KLHL25: variants seen among roughly 807,000 people sequenced by gnomAD.
KLHL25 encodes the protein kelch like family member 25.
In KLHL25, 41 loss-of-function variants were observed where a neutral mutation model predicts 30.0. The ratio of observed to expected loss-of-function variants is 1.37; its 90% CI spans 1.07 to 1.78. The LOEUF is 1.78. Among genes scored for constraint, KLHL25 ranks in the 40% most tolerant of loss-of-function variants. The pLI is 0.00. For synonymous variants in KLHL25, 399 were observed against 355.3 expected (o/e 1.12, Z -1.38); for missense variants, 971 against 824.5 (o/e 1.18, Z -2.18).
chr15:85,783,084 A>C (rs2089755319), intron 1 of KLHL25, among the ~76,000 whole-genome samples: 1 of 152,100 alleles, frequency 6.6e-6, no homozygotes, highest in Non-Finnish European at 1.5e-5. Flanking sequence ...ATCAACATAT[A>C]CCATATTTAA....
chr15:85,783,678 C>A (rs912712100), intron 1 of KLHL25, among the ~76,000 whole-genome samples: 4 of 131,342 alleles, frequency 3.0e-5, no homozygotes, highest in African/African-American at 1.2e-4. Context: ...GGTGACAGAG[C>A]AAGACTCCAC....
At chr15:85,786,792 C>G (rs537317032) in intron 1 of KLHL25, among the ~76,000 whole-genome samples, 1 of 152,260 alleles carries the variant, frequency 6.6e-6, no homozygotes, top group African/African-American at 2.4e-5. Context: ...TGAATTCACT[C>G]AAATGTTCCA....
chr15:85,771,484 T>C (rs2089672158), intron 1 of KLHL25, among the ~76,000 whole-genome samples: 2 of 152,362 alleles, frequency 1.3e-5, no homozygotes, highest in South Asian at 2.1e-4. Context: ...TCCGGCTACA[T>C]GGCTCTCTCT....
intron 1 of KLHL25, among the ~76,000 whole-genome samples, chr15:85,770,142 G>A (rs910349254): frequency 2.0e-5 from 3 of 152,302 alleles, no homozygotes; most frequent in South Asian, 2.1e-4. Flanking sequence ...ACATGCAAAC[G>A]GTGTTCCTGA....
intron 1 of KLHL25, among the ~76,000 whole-genome samples, chr15:85,785,428 G>C (rs1224100879): frequency 6.6e-6 from 1 of 152,226 alleles, no homozygotes; most frequent in Non-Finnish European, 1.5e-5. Flanking sequence ...CCTTAGCAGA[G>C]TGGGTAGTAT....
chr15:85,768,104 G>A lies in KLHL25; in HGVS notation c.1707C>T (p.Thr569=), dbSNP rs752496440. The change falls in exon 2 of 3, where the codon ACC becomes ACT. Residue 569 remains threonine (T), a synonymous_variant. Coordinates refer to ENST00000337975, the MANE Select transcript of KLHL25 (RefSeq NM_022480.4). ...DPTSDTWNCI[T]TVPYSLIPTA... is the part of the protein sequence containing the mutation. ...TGGGGATAAGTGAGTAGGGCACTGT[G>A]GTGATGCAGTTCCATGTATCTGAAG... is the stretch of plus-strand genomic sequence containing the variant. 8 of 1,614,218 alleles carry A rather than the reference G, an allele frequency of 5.0e-6. No individual in the cohort carries two copies. Among genetic ancestry groups the A allele is most frequent in the Non-Finnish European group, 5.1e-6 (6 of 1,180,034 alleles).
At chr15:85,775,287 G>C (rs890382544) in intron 1 of KLHL25, among the ~76,000 whole-genome samples, 1 of 152,152 alleles carries the variant, frequency 6.6e-6, no homozygotes, top group Non-Finnish European at 1.5e-5. Flanking sequence ...TGGGCTTTTT[G>C]ACAGATGTGG....
chr15:85,783,301 C>T (rs1755273626), intron 1 of KLHL25, among the ~76,000 whole-genome samples: 1 of 151,682 alleles, frequency 6.6e-6, no homozygotes, highest in African/African-American at 2.4e-5. Context: ...GCCATGTTGG[C>T]CAGGCTGGTC....
At chr15:85,770,240 G>T (rs1187848888) in intron 1 of KLHL25, among the ~76,000 whole-genome samples, 1 of 152,190 alleles carries the variant, frequency 6.6e-6, no homozygotes, top group African/African-American at 2.4e-5. Context: ...AGCTTCTCTT[G>T]TAAGTCCCAT....
At position 85,768,809 on chromosome 15, in the gene KLHL25, G is replaced by T; in HGVS notation, c.1002C>A (p.Ser334Arg). 6.2e-7 allele frequency: 1 copy of T among 1,613,312 alleles called. No individual in the cohort carries two copies. The highest frequency in any genetic ancestry group is 1.7e-5 in the Admixed American group (1 of 60,036). Residue 334 changes from serine (S) to arginine (R), a missense_variant, in exon 2 of 3, where the codon AGC (serine) becomes AGA (arginine). Coordinates refer to ENST00000337975, the MANE Select transcript of KLHL25 (RefSeq NM_022480.4). ...AGACCTTGCAGCCGATCGCTGAGGC[G>T]CTGAACTCCTTCCGGGGGCTGGGCA... ...ADLPSPRKEF[S>R]ASAIGCKVYV... is the part of the protein sequence containing the mutation.
chr15:85,766,493 G>T (rs1339213088), intron 2 of KLHL25, among the ~76,000 whole-genome samples: 1 of 151,984 alleles, frequency 6.6e-6, no homozygotes, highest in Non-Finnish European at 1.5e-5. Flanking sequence ...TCTCGTGGCA[G>T]GACCTCATGC....
At position 85,769,137 on chromosome 15, in the gene KLHL25, C is replaced by T. The variant is rs776010294; in HGVS notation, c.674G>A (p.Arg225Gln). Residue 225 changes from arginine to glutamine, a missense_variant, in exon 2 of 3, where the codon CGG (arginine) becomes CAG (glutamine). Arg to Gln is a conservative substitution (Grantham distance 43). Coordinates refer to ENST00000337975, the MANE Select transcript of KLHL25 (RefSeq NM_022480.4). ...LQWVKHDLEP[R>Q]KVHLPELLRS... Reference sequence around the variant, plus strand: ...GAGGAGCTCGGGCAAGTGGACCTTCCGTGGCTCCAGGTCGTGCTTCACCCA... The same window carrying T: ...GAGGAGCTCGGGCAAGTGGACCTTCTGTGGCTCCAGGTCGTGCTTCACCCA... 24 of 1,609,100 alleles carry T rather than the reference C, an allele frequency of 1.5e-5. No homozygotes were observed. The highest frequency in any genetic ancestry group is 6.7e-5 in the African/African-American group (5 of 74,862).
At chr15:85,763,152 A>G (rs2089594894) in intron 2 of KLHL25, 1 of 152,504 alleles carries the variant, frequency 6.6e-6, no homozygotes, top group African/African-American at 2.4e-5. Flanking sequence ...GATCACCCTT[A>G]GTGGGTAAGC....
At position 85,760,559 on chromosome 15, in the gene KLHL25, T is replaced by C. The variant is rs902362531; in HGVS notation, c.*477A>G. On this transcript the variant is annotated 3_prime_UTR_variant, in exon 3 of 3. Coordinates refer to ENST00000337975, the MANE Select transcript of KLHL25 (RefSeq NM_022480.4). ...GGTCTCAACCCCTGGGAACCTAGTT[T>C]CCCAGGCCCAGGACACCATCTATAG... The C allele has an allele frequency of 6.6e-6, 1 of 152,172 alleles. No individual in the cohort carries two copies. Among genetic ancestry groups the C allele is most frequent in the South Asian group, 2.1e-4 (1 of 4,830 alleles). 9.4% of individuals were successfully genotyped at this position (152,172 alleles called of 1,614,324 possible).
chr15:85,766,873 G>A (rs1034196685), intron 2 of KLHL25, among the ~76,000 whole-genome samples: 1 of 152,216 alleles, frequency 6.6e-6, no homozygotes, highest in Admixed American at 6.5e-5. Context: ...GCTGCCCCCA[G>A]GAGAAACAGG....
intron 1 of KLHL25, among the ~76,000 whole-genome samples, chr15:85,777,586 A>G (rs1169373370): frequency 6.6e-6 from 1 of 152,212 alleles, no homozygotes; most frequent in African/African-American, 2.4e-5. Flanking sequence ...CCCAAACATT[A>G]AGCACACTTG....
Position 85,769,327 on chromosome 15 carries a change from G to A in KLHL25, c.484C>T (p.Arg162Cys), listed in dbSNP as rs756088134. 42 of 1,613,992 alleles carry A rather than the reference G, an allele frequency of 2.6e-5. No individual in the cohort carries two copies. Among genetic ancestry groups the A allele is most frequent in the Non-Finnish European group, 3.4e-5 (40 of 1,180,046 alleles). ...MMLLSDAHQCRRLYEFSWRMC... is the reference protein window; with the variant it reads ...MMLLSDAHQCCRLYEFSWRMC... ...CGCCAGGAGAACTCATACAGCCGGC[G>A]GCACTGGTGGGCGTCCGAGAGCAGC... Residue 162 changes from arginine (R) to cysteine (C), a missense_variant, in exon 2 of 3, where the codon CGC (arginine) becomes TGC (cysteine). Coordinates refer to ENST00000337975, the MANE Select transcript of KLHL25 (RefSeq NM_022480.4).
intron 2 of KLHL25, among the ~76,000 whole-genome samples, chr15:85,765,914 A>G (rs993602542): frequency 6.6e-6 from 1 of 152,124 alleles, no homozygotes; most frequent in Admixed American, 6.5e-5. Context: ...CTGTGAGCCC[A>G]AACACCCTGT....
intron 1 of KLHL25, among the ~76,000 whole-genome samples, chr15:85,781,209 T>C (rs1011551714): frequency 1.3e-5 from 2 of 152,132 alleles, no homozygotes; most frequent in Admixed American, 6.5e-5. Context: ...CCAGCCCGTA[T>C]CAATGAACTT....
Sources: gnomAD v4.1 joint callset for allele counts (sites outside exome capture counted in the v4.1 genomes callset) on GRCh38, gnomAD v4.1.1 for gene constraint, MANE v1.5 for transcripts, NCBI Gene and HGNC (gene_info 2026-07-23, HGNC 2026-07-21) for gene names.